The following SGCD variants were observed in gnomAD, a reference collection of about 807,000 sequenced individuals.
SGCD encodes the protein delta-sarcoglycan.
SGCD carries 18 observed loss-of-function variants against 36.6 expected under a neutral mutation model. The observed-to-expected ratio is 0.49, with a 90% CI of 0.34 to 0.73. The LOEUF (loss-of-function observed/expected upper bound fraction) is 0.73, where lower values mean the gene tolerates loss of function less well. SGCD is among the 30% of genes least tolerant of loss of function. The probability of loss-of-function intolerance (pLI) is 0.01; values close to 1 mark genes in which losing one functional copy is unlikely to be tolerated. For missense variants in SGCD, 387 were observed against 346.7 expected, an observed-to-expected ratio of 1.12 and a Z score of -0.92; for synonymous variants, 133 against 130.6, an observed-to-expected ratio of 1.02 and a Z score of -0.12.
intron 3 of SGCD, among the ~76,000 whole-genome samples, chr5:156,475,933 C>A (rs1755158571): frequency 6.6e-6 from 1 of 152,120 alleles, no homozygotes; most frequent in Admixed American, 6.5e-5. Context: ...CAGCAGGGTG[C>A]ATTGGAGCTT....
At chr5:155,833,235 A>C in the SGCD span, among the ~76,000 whole-genome samples, 22 of 152,184 alleles carry the variant, frequency 1.4e-4, no homozygotes, top group African/African-American at 5.1e-4. Context: ...CAAAAAAAAA[A>C]AGTCAGAAGG....
In SGCD at chr5:156,435,879, G is replaced by A. The variant is rs34605623; in HGVS notation, c.193-72722G>A. 8.0e-3 allele frequency among the ~76,000 whole-genome samples: 1,214 copies of A among 152,266 alleles called. 8 individuals are homozygous for A. The highest frequency in any genetic ancestry group is 0.01 in the Non-Finnish European group (704 of 68,014). The stretch of plus-strand genomic sequence containing the variant: ...CAGGGAGAAACCCTTAACTCCCAAT[G>A]TTTACGCAGGCTACCTTCTGTCCAA... On this transcript the variant is annotated intron_variant, in intron 3 of 8. Transcript: ENST00000337851.
intron 1 of SGCD, among the ~76,000 whole-genome samples, chr5:156,033,957 C>G (rs1421671390): frequency 6.6e-6 from 1 of 152,150 alleles, no homozygotes; most frequent in Non-Finnish European, 1.5e-5. Flanking sequence ...CTTTTCCTCA[C>G]CAACTTTCTA....
intron 7 of SGCD, among the ~76,000 whole-genome samples, chr5:156,669,306 G>A (rs182315999): frequency 2.6e-5 from 4 of 152,116 alleles, no homozygotes; most frequent in East Asian, 1.9e-4. Flanking sequence ...CTGATTAAAC[G>A]TACATTTCCT....
At chr5:156,133,568 G>T (rs1196526846) in intron 3 of SGCD, among the ~76,000 whole-genome samples, 1 of 152,118 alleles carries the variant, frequency 6.6e-6, no homozygotes, top group Non-Finnish European at 1.5e-5. Context: ...CCCTTAAAAT[G>T]CATGTAATGG....
intron 1 of SGCD, among the ~76,000 whole-genome samples, chr5:155,990,899 A>G (rs1581030502): frequency 1.3e-5 from 2 of 152,308 alleles, no homozygotes; most frequent in Middle Eastern, 6.8e-3. Flanking sequence ...TGTATGTTTA[A>G]TCACCATCAT....
intron 4 of SGCD, among the ~76,000 whole-genome samples, chr5:156,537,459 C>CCACA (rs769070218): frequency 0.08 from 10,020 of 125,774 alleles, 446 homozygotes; most frequent in South Asian, 0.09. Flanking sequence ...AAGGTAGCAG[C>CCACA]CACACACACA....
intron 3 of SGCD, among the ~76,000 whole-genome samples, chr5:156,223,226 C>T (rs371348709): frequency 3.3e-5 from 5 of 151,912 alleles, no homozygotes; most frequent in East Asian, 1.9e-4. Flanking sequence ...AAAGTAGTGG[C>T]GTTCATGACA....
the SGCD span, among the ~76,000 whole-genome samples, chr5:155,804,622 A>T: frequency 6.6e-6 from 1 of 152,194 alleles, no homozygotes; most frequent in African/African-American, 2.4e-5. Flanking sequence ...TTAACTTCCT[A>T]ACTTGTGACC....
At chr5:156,458,888 G>T (rs1754366306) in intron 3 of SGCD, among the ~76,000 whole-genome samples, 2 of 152,106 alleles carry the variant, frequency 1.3e-5, no homozygotes, top group Non-Finnish European at 2.9e-5. Flanking sequence ...CTCAAAACTT[G>T]AAACTCTTTG....
intron 4 of SGCD, among the ~76,000 whole-genome samples, chr5:156,559,072 C>G (rs1318014862): frequency 6.6e-6 from 1 of 152,204 alleles, no homozygotes; most frequent in Non-Finnish European, 1.5e-5. Flanking sequence ...CTACTACTCA[C>G]TGGCTAAATG....
At chr5:155,741,170 G>GA in the SGCD span, among the ~76,000 whole-genome samples, 1 of 152,178 alleles carries the variant, frequency 6.6e-6, no homozygotes, top group African/African-American at 2.4e-5. Context: ...GAAGTCAGCA[G>GA]AAAGAAATGT....
At chr5:156,085,974 C>T (rs1356804514) in intron 1 of SGCD, among the ~76,000 whole-genome samples, 5 of 152,214 alleles carry the variant, frequency 3.3e-5, no homozygotes, top group African/African-American at 9.7e-5. Flanking sequence ...TGTTTTCCTA[C>T]AAGATACTTG....
upstream of SGCD, among the ~76,000 whole-genome samples, chr5:156,325,410 CTT>C (rs1455428973): frequency 1.3e-5 from 2 of 151,388 alleles, no homozygotes; most frequent in African/African-American, 4.9e-5. Context: ...GTCATAAACA[CTT>C]TACACAGATT....
intron 3 of SGCD, among the ~76,000 whole-genome samples, chr5:156,353,209 C>G (rs1769339654): frequency 6.6e-6 from 1 of 152,024 alleles, no homozygotes; most frequent in South Asian, 2.1e-4. Context: ...ATGGCAGACA[C>G]TTAGAATATG....
intron 3 of SGCD, among the ~76,000 whole-genome samples, chr5:156,467,245 G>T (rs1754758076): frequency 1.3e-5 from 2 of 152,226 alleles, no homozygotes; most frequent in Middle Eastern, 3.4e-3. Context: ...GTATTGAAAA[G>T]AATTTTAGTT....
intron 3 of SGCD, among the ~76,000 whole-genome samples, chr5:156,423,432 T>C (rs1773514207): frequency 8.1e-6 from 1 of 123,944 alleles, no homozygotes. Flanking sequence ...TTTAATAAAA[T>C]ATAATATATT....
intron 2 of SGCD, among the ~76,000 whole-genome samples, chr5:156,332,206 A>G (rs1307561386): frequency 6.6e-6 from 1 of 152,246 alleles, no homozygotes; most frequent in Non-Finnish European, 1.5e-5. Flanking sequence ...TACAAACAGC[A>G]GGTCATAAAC....
At chr5:156,010,934 C>T (rs1265792825) in intron 1 of SGCD, among the ~76,000 whole-genome samples, 3 of 152,122 alleles carry the variant, frequency 2.0e-5, no homozygotes, top group African/African-American at 7.2e-5. Context: ...ATGTTTATAG[C>T]TCATTCACAT....
Sources: allele counts gnomAD v4.1 joint callset (sites outside exome capture counted in the v4.1 genomes callset), GRCh38; gene constraint gnomAD v4.1.1; transcripts MANE v1.5; gene names NCBI Gene and HGNC (gene_info 2026-07-23, HGNC 2026-07-21).